Variants in PARD3B observed in about 807,000 individuals in gnomAD.
PARD3B encodes partitioning defective 3 homolog B.
A neutral mutation model predicts 130.2 loss-of-function variants in PARD3B; 103 were observed. The ratio of observed to expected loss-of-function variants is 0.79; its 90% CI spans 0.67 to 0.93. The LOEUF (loss-of-function observed/expected upper bound fraction) is 0.93, where lower values mean the gene tolerates loss of function less well. Ranked by LOEUF, PARD3B falls within the 40% of genes least tolerant of loss-of-function variation. PARD3B has a pLI of 0.00. For missense variants in PARD3B, 1,609 were observed against 1,499.2 expected (o/e 1.07, Z -1.21); for synonymous variants, 583 against 553.2 (o/e 1.05, Z -0.76).
chr2:205,524,869 C>A (rs1214851058), intron 21 of PARD3B, among the ~76,000 whole-genome samples: 1 of 152,206 alleles, frequency 6.6e-6, no homozygotes, highest in Non-Finnish European at 1.5e-5. Context: ...ATTTCCAATA[C>A]ATACTCCTCA....
At chr2:205,423,639 C>T (rs999665038) in intron 19 of PARD3B, among the ~76,000 whole-genome samples, 29 of 152,116 alleles carry the variant, frequency 1.9e-4, no homozygotes, top group Non-Finnish European at 8.8e-5. Flanking sequence ...CAACCCTATT[C>T]ACAATAGGGT....
intron 20 of PARD3B, among the ~76,000 whole-genome samples, chr2:205,482,110 A>T (rs1418031320): frequency 6.6e-6 from 1 of 152,212 alleles, no homozygotes; most frequent in Non-Finnish European, 1.5e-5. Flanking sequence ...ACAAGTAAAT[A>T]TATGAAATGC....
At chr2:205,611,652 G>A (rs1275425141) in intron 22 of PARD3B, among the ~76,000 whole-genome samples, 2 of 152,166 alleles carry the variant, frequency 1.3e-5, no homozygotes, top group South Asian at 2.1e-4. Flanking sequence ...CTCTGGAAAT[G>A]AGCCTAATCC....
At chr2:204,742,591 C>T (rs76857602) in intron 2 of PARD3B, among the ~76,000 whole-genome samples, 6,785 of 152,154 alleles carry the variant, frequency 0.045, 209 homozygotes, top group African/African-American at 0.081. Flanking sequence ...TGTTTTATTC[C>T]AGGGATAATG....
At chr2:205,022,714 G>A (rs1696709898) in intron 3 of PARD3B, among the ~76,000 whole-genome samples, 3 of 152,150 alleles carry the variant, frequency 2.0e-5, no homozygotes, top group African/African-American at 7.2e-5. Flanking sequence ...TATGTAACCT[G>A]TTTTGGGGCT....
rs564740136 is a variant in PARD3B at position 205,463,517 on chromosome 2, G to C, written c.3044+22845G>C. On this transcript the variant is annotated intron_variant, in intron 20 of 22. Coordinates refer to ENST00000406610, the MANE Select transcript of PARD3B (RefSeq NM_001302769.2). This position sits in a 1 kb window ranked among gnomAD's most constrained non-coding sequence, Gnocchi z 4.8. ...ATGGTTAATTAAGAAGCCAAAATTG[G>C]CTATAAGCTCAGTGAGCTCTGAGAA... Among the ~76,000 whole-genome samples the C allele has an allele frequency of 6.6e-6, 1 of 151,918 alleles. No individual in the cohort carries two copies. Among genetic ancestry groups the C allele is most frequent in the East Asian group, 1.9e-4 (1 of 5,152 alleles).
intron 18 of PARD3B, among the ~76,000 whole-genome samples, chr2:205,399,565 G>A (rs996075616): frequency 2.0e-5 from 3 of 152,070 alleles, no homozygotes; most frequent in Non-Finnish European, 4.4e-5. Context: ...ATGTTGGCCA[G>A]GCTGGTCTTG....
chr2:205,406,621 A>G (rs375801432), intron 19 of PARD3B, among the ~76,000 whole-genome samples: 1 of 149,822 alleles, frequency 6.7e-6, no homozygotes, highest in South Asian at 2.1e-4. Flanking sequence ...CTAATTAAGT[A>G]CATTAAGCCA....
intron 4 of PARD3B, chr2:205,048,331 T>C (rs2125414368): frequency 6.6e-6 from 1 of 152,340 alleles, no homozygotes; most frequent in South Asian, 2.1e-4. Flanking sequence ...TAACCAGATA[T>C]ACTTATAACT....
chr2:205,375,339 C>T (rs1043600651), intron 18 of PARD3B, among the ~76,000 whole-genome samples: 2 of 152,104 alleles, frequency 1.3e-5, no homozygotes, highest in Non-Finnish European at 2.9e-5. Flanking sequence ...TTTATTCATT[C>T]GCTCATTCAT....
intron 19 of PARD3B, among the ~76,000 whole-genome samples, chr2:205,418,840 T>C (rs1285931784): frequency 6.6e-6 from 1 of 152,108 alleles, no homozygotes; most frequent in Non-Finnish European, 1.5e-5. Flanking sequence ...GTAAAAAGTT[T>C]AGGGCAAAAC....
intron 1 of PARD3B, among the ~76,000 whole-genome samples, chr2:204,683,511 G>C (rs1211734355): frequency 6.6e-6 from 1 of 152,128 alleles, no homozygotes; most frequent in Non-Finnish European, 1.5e-5. Flanking sequence ...TCTTACGATG[G>C]CTGTAGGTTG....
chr2:205,538,536 C>T (rs954135835), intron 21 of PARD3B, among the ~76,000 whole-genome samples: 5 of 152,148 alleles, frequency 3.3e-5, no homozygotes, highest in Admixed American at 2.6e-4. Context: ...TCCAGCCACT[C>T]ATCTTGTATA....
At chr2:205,017,178 C>T (rs1696212758) in intron 3 of PARD3B, among the ~76,000 whole-genome samples, 1 of 152,032 alleles carries the variant, frequency 6.6e-6, no homozygotes, top group Non-Finnish European at 1.5e-5. Context: ...GAGTGTCTGG[C>T]CTGTAGATAT....
intron 22 of PARD3B, among the ~76,000 whole-genome samples, chr2:205,567,789 TTTTA>T (rs1286692006): frequency 1.3e-5 from 2 of 149,220 alleles, no homozygotes; most frequent in East Asian, 4.0e-4. Flanking sequence ...GAGCAAGTGA[TTTTA>T]TTTGAGAAGC....
chr2:204,819,590 C>T (rs2043264046), intron 2 of PARD3B, among the ~76,000 whole-genome samples: 1 of 152,114 alleles, frequency 6.6e-6, no homozygotes, highest in Admixed American at 6.6e-5. Context: ...CACTTTAAAT[C>T]AAAAGCTAAA....
intron 1 of PARD3B, among the ~76,000 whole-genome samples, chr2:204,614,964 A>T (rs770513725): frequency 2.0e-5 from 3 of 152,144 alleles, no homozygotes; most frequent in Non-Finnish European, 4.4e-5. Flanking sequence ...GGCCTAATAC[A>T]CGCAAATTAC....
At chr2:204,945,703 G>T (rs770626141) in intron 2 of PARD3B, among the ~76,000 whole-genome samples, 2 of 152,232 alleles carry the variant, frequency 1.3e-5, no homozygotes, top group East Asian at 1.9e-4. Flanking sequence ...AGGATGGAAG[G>T]TCTAACAAAC....
chr2:205,448,241 T>C (rs985133209), intron 20 of PARD3B, among the ~76,000 whole-genome samples: 1 of 152,226 alleles, frequency 6.6e-6, no homozygotes, highest in African/African-American at 2.4e-5. Context: ...TTGTTGGGCA[T>C]GGCATGCAGA....
Sources: gnomAD v4.1 joint callset for allele counts (sites outside exome capture counted in the v4.1 genomes callset) on GRCh38, gnomAD v4.1.1 for gene constraint, Gnocchi (gnomAD v3.1) non-coding constraint, MANE v1.5 for transcripts, NCBI Gene and HGNC (gene_info 2026-07-23, HGNC 2026-07-21) for gene names.